The following CABLES1 variants were observed in gnomAD, a reference collection of about 807,000 sequenced individuals.
The protein encoded by CABLES1 is CDK5 and ABL1 enzyme substrate 1.
Under a neutral mutation model 57.8 loss-of-function variants are expected in CABLES1, and 36 were observed. That is an observed-to-expected ratio of 0.62 (90% CI 0.48 to 0.82). The LOEUF (loss-of-function observed/expected upper bound fraction) is 0.82, where lower values mean the gene tolerates loss of function less well. Ranked by LOEUF, CABLES1 falls within the 40% of genes least tolerant of loss-of-function variation. The pLI is 0.00. For missense variants in CABLES1, 767 were observed against 836.6 expected, an observed-to-expected ratio of 0.92 and a Z score of 1.03; for synonymous variants, 374 against 363.0, an observed-to-expected ratio of 1.03 and a Z score of -0.35.
At chr18:23,208,189 A>C (rs771590388) in intron 3 of CABLES1, among the ~76,000 whole-genome samples, 2 of 151,840 alleles carry the variant, frequency 1.3e-5, no homozygotes, top group African/African-American at 2.4e-5. Context: ...TCTCCTTCCA[A>C]CTCCAGGCAG....
chr18:23,243,468 G>GTTTTTTTTTTTTTTTTTTTTT (rs551293348), intron 7 of CABLES1, among the ~76,000 whole-genome samples: 2 of 101,878 alleles, frequency 2.0e-5, no homozygotes, highest in African/African-American at 3.6e-5. Flanking sequence ...TGGGTTTGGT[G>GTTTTTTTTTTTTTTTTTTTTT]TTTTTTTTTT....
chr18:23,209,885 G>T (rs1000383955), intron 3 of CABLES1, among the ~76,000 whole-genome samples: 1 of 152,144 alleles, frequency 6.6e-6, no homozygotes, highest in South Asian at 2.1e-4. Context: ...TTGCGGGGGG[G>T]CGGTCCTTGT....
At chr18:23,207,691 GT>G (rs2047374111) in intron 3 of CABLES1, among the ~76,000 whole-genome samples, 1 of 148,832 alleles carries the variant, frequency 6.7e-6, no homozygotes, top group South Asian at 2.1e-4. Context: ...GAAAATATTT[GT>G]GTGAGGGAGG....
In CABLES1 at chr18:23,251,450, C is replaced by CA. The variant is rs998234875; in HGVS notation, c.1447-1502dup. Reference sequence around the variant, plus strand: ...TGGGCAACAGAGCATGACTCCGTCTCAAAAAAAATAAAAAAAGATTATGGC... The same window carrying CA: ...TGGGCAACAGAGCATGACTCCGTCTCAAAAAAAAATAAAAAAAGATTATGGC... On this transcript the variant is annotated intron_variant, in intron 7 of 9. Transcript: ENST00000256925. Among the ~76,000 whole-genome samples, 5 of 150,648 alleles carry CA rather than the reference C, an allele frequency of 3.3e-5. No individual in the cohort carries two copies. The East Asian group carries it at 5.8e-4, about 18-fold the overall frequency.
At chr18:23,239,646 G>A (rs17202451) in intron 7 of CABLES1, among the ~76,000 whole-genome samples, 27,884 of 152,166 alleles carry the variant, frequency 0.18, 3,254 homozygotes, top group Middle Eastern at 0.26. Context: ...TATAGAATTC[G>A]CCTGTTGAAC....
chr18:23,199,960 A>G (rs974823106), intron 3 of CABLES1, among the ~76,000 whole-genome samples: 15 of 152,184 alleles, frequency 9.9e-5, no homozygotes, highest in Admixed American at 6.5e-5. Flanking sequence ...GGATGATGGT[A>G]CGGGTTCAGC....
Position 23,135,655 on chromosome 18 carries a change from C to G in CABLES1, c.-108C>G. On this transcript the variant is annotated 5_prime_UTR_variant, in exon 1 of 10. It adds an upstream start codon to the 5' untranslated region. Coordinates refer to ENST00000256925, the MANE Select transcript of CABLES1 (RefSeq NM_001100619.3). ...TGGACCGCCGCGCACGCCGCCCGAT[C>G]CCCGCGCCCTACCCAGCCCGGGTCG... 1.1e-6 allele frequency: 1 copy of G among 940,788 alleles called. No homozygotes were observed. Among genetic ancestry groups the G allele is most frequent in the East Asian group, 1.2e-4 (1 of 8,550 alleles). The allele number at this position is 940,788 out of a possible 1,614,324, so 58.3% of individuals were successfully genotyped here. A position where few individuals can be genotyped will look rare whatever the true frequency, so the allele number is the denominator to read the frequency against.
At chr18:23,193,668 T>G (rs979668503) in intron 2 of CABLES1, among the ~76,000 whole-genome samples, 2 of 152,190 alleles carry the variant, frequency 1.3e-5, no homozygotes. Context: ...CATTTTGCTT[T>G]TCTGTCGTTG....
At chr18:23,176,701 G>GC (rs1453504718) in intron 1 of CABLES1, among the ~76,000 whole-genome samples, 1 of 152,146 alleles carries the variant, frequency 6.6e-6, no homozygotes, top group Non-Finnish European at 1.5e-5. Context: ...CCACTATTGA[G>GC]TGTGGGCCAC....
intron 1 of CABLES1, among the ~76,000 whole-genome samples, chr18:23,154,740 A>C (rs2046954784): frequency 6.6e-6 from 1 of 152,164 alleles, no homozygotes; most frequent in Non-Finnish European, 1.5e-5. Context: ...GATCCCTTCT[A>C]ACGGAAGCCC....
At chr18:23,244,838 G>A (rs1444276428) in intron 7 of CABLES1, among the ~76,000 whole-genome samples, 2 of 152,202 alleles carry the variant, frequency 1.3e-5, no homozygotes, top group Non-Finnish European at 2.9e-5. Context: ...GCTGGCAGTA[G>A]GTCAGAGAAC....
Position 23,135,686 on chromosome 18 carries a change from G to C in CABLES1, c.-77G>C, listed in dbSNP as rs2046813018. ...GCCCTACCCAGCCCGGGTCGCCGCC[G>C]CTCGCGCCCGCCGCTTAGCGCTCGG... On this transcript the variant is annotated 5_prime_UTR_variant, in exon 1 of 10. Transcript: ENST00000256925. 1 of 981,378 alleles carries C rather than the reference G, an allele frequency of 1.0e-6. No individual in the cohort carries two copies. The highest frequency in any genetic ancestry group is 1.8e-5 in the African/African-American group (1 of 56,732). The allele number at this position is 981,378 out of a possible 1,614,324, so 60.8% of individuals were successfully genotyped here.
intron 1 of CABLES1, 27 bp downstream of exon 1, chr18:23,136,634 C>T (rs2046824286): frequency 7.6e-7 from 1 of 1,308,990 alleles, no homozygotes; most frequent in Non-Finnish European, 9.9e-7. Context: ...CGACGCGCAC[C>T]CAACCCTGCG....
intron 1 of CABLES1, among the ~76,000 whole-genome samples, chr18:23,165,070 G>C (rs973577568): frequency 2.6e-5 from 4 of 152,006 alleles, no homozygotes. Context: ...ACCATGTCCG[G>C]CCTTAACTAT....
intron 1 of CABLES1, among the ~76,000 whole-genome samples, chr18:23,139,118 G>GC (rs890340194): frequency 6.6e-6 from 1 of 152,004 alleles, no homozygotes; most frequent in African/African-American, 2.4e-5. Context: ...AGAATGTCGG[G>GC]CCGGGTGTGG....
At chr18:23,216,006 G>A (rs899835896) in intron 4 of CABLES1, among the ~76,000 whole-genome samples, 3 of 152,040 alleles carry the variant, frequency 2.0e-5, no homozygotes, top group Admixed American at 6.5e-5. Flanking sequence ...TGCCCGCCTC[G>A]GCCTCCCAAA....
At chr18:23,164,317 C>T (rs971842331) in intron 1 of CABLES1, among the ~76,000 whole-genome samples, 115 of 152,316 alleles carry the variant, frequency 7.6e-4, no homozygotes, top group African/African-American at 2.6e-3. Context: ...TTGGTCCCTC[C>T]TCGGGTCGAC....
At chr18:23,222,275 G>GC (rs373624614) in intron 4 of CABLES1, among the ~76,000 whole-genome samples, 31 of 152,044 alleles carry the variant, frequency 2.0e-4, no homozygotes, top group African/African-American at 7.0e-4. Context: ...CTTTCTCAGT[G>GC]CCCCCCAGCA....
intron 5 of CABLES1, 26 bp from the exon 6 acceptor site, chr18:23,235,869 G>A: frequency 6.2e-7 from 1 of 1,610,970 alleles, no homozygotes. Flanking sequence ...AATAATCACT[G>A]GCCTGTTTTT....
Sources: allele counts gnomAD v4.1 joint callset (sites outside exome capture counted in the v4.1 genomes callset), GRCh38; gene constraint gnomAD v4.1.1; transcripts MANE v1.5; gene names NCBI Gene and HGNC (gene_info 2026-07-23, HGNC 2026-07-21).